The following SNX29 variants were observed in gnomAD, a reference collection of about 807,000 sequenced individuals.
SNX29 encodes sorting nexin-29.
A neutral mutation model predicts 102.1 loss-of-function variants in SNX29; 78 were observed. The observed-to-expected ratio is 0.76, with a 90% CI of 0.64 to 0.92. The LOEUF (loss-of-function observed/expected upper bound fraction) is 0.92. SNX29 is among the 40% of genes least tolerant of loss of function. The pLI is 0.00. For missense variants in SNX29, 1,280 were observed against 1,061.7 expected (o/e 1.21, Z -2.86); for synonymous variants, 580 against 414.5 (o/e 1.40, Z -4.85).
At chr16:12,497,877 C>A (rs1003460347) in intron 19 of SNX29, among the ~76,000 whole-genome samples, 10 of 152,296 alleles carry the variant, frequency 6.6e-5, no homozygotes, top group African/African-American at 2.4e-4. Flanking sequence ...GGACCAATCA[C>A]AGCGACTGTG....
At chr16:12,200,473 C>T (rs1161244961) in intron 14 of SNX29, among the ~76,000 whole-genome samples, 1 of 127,214 alleles carries the variant, frequency 7.9e-6, no homozygotes, top group Non-Finnish European at 1.7e-5. Flanking sequence ...TGGGTGTTCC[C>T]CACATTCACG....
At chr16:12,559,066 C>A (rs1218273869) in intron 20 of SNX29, among the ~76,000 whole-genome samples, 1 of 152,166 alleles carries the variant, frequency 6.6e-6, no homozygotes, top group East Asian at 1.9e-4. Flanking sequence ...ATGTAGAGGT[C>A]TACCGCTGTG....
chr16:12,125,289 A>G (rs1157033486), intron 11 of SNX29, among the ~76,000 whole-genome samples: 1 of 152,186 alleles, frequency 6.6e-6, no homozygotes. Context: ...TAACCTGAAC[A>G]TGATGTCATA....
intron 18 of SNX29, among the ~76,000 whole-genome samples, chr16:12,426,936 G>T (rs1172025019): frequency 6.6e-6 from 1 of 152,178 alleles, no homozygotes; most frequent in Non-Finnish European, 1.5e-5. Flanking sequence ...AAAGTGCTGG[G>T]ATTACAGGGC....
intron 14 of SNX29, among the ~76,000 whole-genome samples, chr16:12,261,061 C>T (rs9927705): frequency 0.67 from 89,767 of 134,300 alleles, 30,120 homozygotes; most frequent in African/African-American, 0.82. Context: ...CTGGGGTCTG[C>T]GCATGAGTCC....
intron 19 of SNX29, among the ~76,000 whole-genome samples, chr16:12,501,874 G>A (rs1341970126): frequency 6.6e-6 from 1 of 152,076 alleles, no homozygotes; most frequent in African/African-American, 2.4e-5. Context: ...GGGTCAGTTA[G>A]GGCCCTTTAC....
Position 12,069,083 on chromosome 16 carries a change from G to A in SNX29, c.1270G>A (p.Gly424Arg), listed in dbSNP as rs770303561. The change falls in exon 10 of 21, where the codon GGG becomes AGG. Residue 424 changes from glycine (G) to arginine (R), a missense_variant. Physicochemically the swap from Gly to Arg is moderately radical, Grantham distance 125. Transcript: ENST00000566228. Reference sequence around the variant, plus strand: ...TGCCCCCCTCGGAAGCCTGGAGAACGGGACAGGACCAGAGGACCACGTTCT... The same window carrying A: ...TGCCCCCCTCGGAAGCCTGGAGAACAGGACAGGACCAGAGGACCACGTTCT... ...ADAPLGSLEN[G>R]TGPEDHVLPD... is the part of the protein sequence containing the mutation. 9.9e-6 allele frequency: 16 copies of A among 1,613,724 alleles called. No individual in the cohort carries two copies. The highest frequency in any genetic ancestry group is 1.1e-5 in the Non-Finnish European group (13 of 1,179,822).
chr16:12,406,032 C>CAA (rs68009685), intron 18 of SNX29, among the ~76,000 whole-genome samples: 49 of 141,506 alleles, frequency 3.5e-4, no homozygotes, highest in South Asian at 1.3e-3. Context: ...GACTCTGCCT[C>CAA]AAAAAAAGAA....
chr16:12,426,300 C>T (rs910035719), intron 18 of SNX29, among the ~76,000 whole-genome samples: 2 of 152,174 alleles, frequency 1.3e-5, no homozygotes, highest in African/African-American at 4.8e-5. Context: ...CAGGAAGAAG[C>T]AACAGCCTTT....
chr16:12,390,429 G>A (rs1321314388), intron 16 of SNX29, among the ~76,000 whole-genome samples: 2 of 152,134 alleles, frequency 1.3e-5, no homozygotes, highest in East Asian at 3.9e-4. Context: ...ACTGTCTAAT[G>A]AATTGTGCTG....
At chr16:12,526,705 C>T in intron 20 of SNX29, 1 of 488,532 alleles carries the variant, frequency 2.0e-6, no homozygotes, top group South Asian at 1.7e-5. Flanking sequence ...ACTGAGTTAG[C>T]CAGTTGTTCC....
At chr16:12,133,919 G>A (rs1406320755) in intron 13 of SNX29, among the ~76,000 whole-genome samples, 1 of 152,158 alleles carries the variant, frequency 6.6e-6, no homozygotes, top group Non-Finnish European at 1.5e-5. Context: ...GCATCACTGA[G>A]CAAACCCAGC....
At chr16:12,093,131 C>G (rs1468661605) in intron 11 of SNX29, among the ~76,000 whole-genome samples, 1 of 152,152 alleles carries the variant, frequency 6.6e-6, no homozygotes, top group Non-Finnish European at 1.5e-5. Context: ...TTCTGAGTGG[C>G]CAGCAGCCCT....
At position 12,062,462 on chromosome 16, in the gene SNX29, C is replaced by G. The variant is rs746094655; in HGVS notation, c.1243+816C>G. ...GTAAGCATTTTTGCACCATTCCACA[C>G]GGTTGAGCACGTGCCCGTGTGGTTT... On this transcript the variant is annotated intron_variant, in intron 9 of 20. Transcript: ENST00000566228. 8.6e-5 allele frequency among the ~76,000 whole-genome samples: 13 copies of G among 151,982 alleles called. 1 individual carries two copies. Among genetic ancestry groups the G allele is most frequent in the Admixed American group, 7.9e-4 (12 of 15,248 alleles).
intron 18 of SNX29, among the ~76,000 whole-genome samples, chr16:12,427,148 C>G (rs941937537): frequency 6.6e-6 from 1 of 151,934 alleles, no homozygotes; most frequent in South Asian, 2.1e-4. Context: ...TGTAGCACCC[C>G]TTGGGGTCTG....
intron 19 of SNX29, among the ~76,000 whole-genome samples, chr16:12,479,660 TG>T (rs2087816645): frequency 6.6e-6 from 1 of 152,246 alleles, no homozygotes; most frequent in Non-Finnish European, 1.5e-5. Context: ...TTTAATCTAA[TG>T]ACCCATAGGC....
intron 14 of SNX29, among the ~76,000 whole-genome samples, chr16:12,274,363 CTG>C (rs2079181224): frequency 6.6e-6 from 1 of 152,188 alleles, no homozygotes; most frequent in Non-Finnish European, 1.5e-5. Context: ...GTTCTCAAGT[CTG>C]TGAGTGAGGC....
At chr16:12,136,589 G>A (rs572789215) in intron 13 of SNX29, among the ~76,000 whole-genome samples, 7 of 152,214 alleles carry the variant, frequency 4.6e-5, no homozygotes, top group South Asian at 2.1e-4. Context: ...TTCCCTTGGC[G>A]CCGCCCTCTG....
At chr16:11,982,364 C>G (rs775808711) in intron 1 of SNX29, among the ~76,000 whole-genome samples, 1 of 151,176 alleles carries the variant, frequency 6.6e-6, no homozygotes. Flanking sequence ...AGTCATTATA[C>G]TCAAGTTTTG....
Sources: gnomAD v4.1 joint callset for allele counts (sites outside exome capture counted in the v4.1 genomes callset) on GRCh38, gnomAD v4.1.1 for gene constraint, MANE v1.5 for transcripts, NCBI Gene and HGNC (gene_info 2026-07-23, HGNC 2026-07-21) for gene names.